The following PLEKHA5 variants were observed in gnomAD, a reference collection of about 807,000 sequenced individuals.
The protein encoded by PLEKHA5 is pleckstrin homology domain containing A5.
In PLEKHA5, 55 loss-of-function variants were observed where a neutral mutation model predicts 181.9. The observed-to-expected ratio is 0.30, with a 90% CI of 0.24 to 0.38. PLEKHA5 has a LOEUF of 0.38. Among genes scored for constraint, PLEKHA5 ranks in the 10% least tolerant of loss-of-function variants. PLEKHA5 has a pLI of 1.00. For synonymous variants in PLEKHA5, 535 were observed against 529.4 expected, an observed-to-expected ratio of 1.01 and a Z score of -0.15; for missense variants, 1,432 against 1,549.5, an observed-to-expected ratio of 0.92 and a Z score of 1.27.
chr12:19,217,812 A>G (rs1350168036), intron 3 of PLEKHA5, among the ~76,000 whole-genome samples: 1 of 152,222 alleles, frequency 6.6e-6, no homozygotes, highest in Non-Finnish European at 1.5e-5. Flanking sequence ...GGAGTTTGGC[A>G]GAAGGAGAAA....
chr12:19,340,191 A>G (rs562105477), intron 21 of PLEKHA5, among the ~76,000 whole-genome samples: 6 of 152,310 alleles, frequency 3.9e-5, no homozygotes, highest in Non-Finnish European at 7.4e-5. Context: ...TAGATTTGCA[A>G]GGAAGTTTTT....
chr12:19,322,489 A>G (rs759231374), intron 19 of PLEKHA5, 29 bp from the exon 20 acceptor site: 3 of 1,609,876 alleles, frequency 1.9e-6, no homozygotes, highest in Admixed American at 1.7e-5. Context: ...GATGCAGAAC[A>G]TTAAGTGTAA....
At chr12:19,145,179 A>T (rs34055857) in intron 3 of PLEKHA5, among the ~76,000 whole-genome samples, 13,895 of 151,576 alleles carry the variant, frequency 0.092, 780 homozygotes, top group Admixed American at 0.19. Context: ...GTGTGAGGGG[A>T]GTGTGTGTGT....
intron 3 of PLEKHA5, among the ~76,000 whole-genome samples, chr12:19,234,299 C>T (rs543581979): frequency 6.6e-6 from 1 of 152,268 alleles, no homozygotes; most frequent in East Asian, 1.9e-4. Flanking sequence ...TTATAATGAT[C>T]TGTTTACAGC....
intron 3 of PLEKHA5, among the ~76,000 whole-genome samples, chr12:19,213,491 G>T (rs888389073): frequency 1.3e-5 from 2 of 152,134 alleles, no homozygotes; most frequent in African/African-American, 4.8e-5. Context: ...GAAAAGCCTT[G>T]TATGCCATGC....
At chr12:19,205,346 CT>C (rs879429814) in intron 3 of PLEKHA5, 1 of 983,658 alleles carries the variant, frequency 1.0e-6, no homozygotes, top group South Asian at 4.7e-5. Context: ...CGGTGTGCCC[CT>C]TTGTCATCGT....
chr12:19,310,163 A>G (rs1225957357), intron 15 of PLEKHA5, among the ~76,000 whole-genome samples: 4 of 152,224 alleles, frequency 2.6e-5, no homozygotes, highest in African/African-American at 4.8e-5. Context: ...AACTCATTTC[A>G]AGTGAATCCT....
rs537666086 is a variant in PLEKHA5 at position 19,309,407 on chromosome 12, TTTCA to T, written c.2038-5404_2038-5401del. On this transcript the variant is annotated intron_variant, in intron 15 of 31. Coordinates refer to ENST00000429027, the MANE Select transcript of PLEKHA5 (RefSeq NM_001256470.2). Reference sequence around the variant, plus strand: ...TGCCCTTATTTTGAATTTTCCACTCTTTCATTAATTTATTTGTTTTAAACTCTGT... The same window carrying T: ...TGCCCTTATTTTGAATTTTCCACTCTTTAATTTATTTGTTTTAAACTCTGT... Among the ~76,000 whole-genome samples the T allele has an allele frequency of 4.7e-3, 708 of 152,202 alleles. 4 individuals are homozygous for T. The highest frequency in any genetic ancestry group is 7.7e-3 in the Non-Finnish European group (524 of 68,006).
intron 3 of PLEKHA5, among the ~76,000 whole-genome samples, chr12:19,214,833 A>G (rs1336245330): frequency 6.6e-6 from 1 of 152,062 alleles, no homozygotes; most frequent in Non-Finnish European, 1.5e-5. Context: ...TTCAATCTGC[A>G]TGGGTAGATG....
intron 15 of PLEKHA5, among the ~76,000 whole-genome samples, chr12:19,298,906 C>T (rs1301530852): frequency 4.6e-5 from 7 of 152,114 alleles, no homozygotes; most frequent in African/African-American, 7.2e-5. Context: ...AAACCCCCAG[C>T]GGAAAAGAGG....
intron 20 of PLEKHA5, among the ~76,000 whole-genome samples, chr12:19,332,169 G>A (rs1394542697): frequency 1.3e-5 from 2 of 151,924 alleles, no homozygotes; most frequent in Non-Finnish European, 2.9e-5. Context: ...AGCTACTTGG[G>A]AGACTGAGGC....
At chr12:19,323,376 G>A (rs921863134) in intron 20 of PLEKHA5, among the ~76,000 whole-genome samples, 1 of 152,032 alleles carries the variant, frequency 6.6e-6, no homozygotes, top group South Asian at 2.1e-4. Flanking sequence ...TACAAAATTA[G>A]CCAGGTGTGG....
intron 15 of PLEKHA5, among the ~76,000 whole-genome samples, 159 bp downstream of exon 15, chr12:19,291,856 A>G (rs2078540877): frequency 6.6e-6 from 1 of 152,246 alleles, no homozygotes; most frequent in Non-Finnish European, 1.5e-5. Context: ...GGATTCAGGA[A>G]TTCCATAATA....
chr12:19,370,373 G>A (rs1487374543), intron 31 of PLEKHA5, among the ~76,000 whole-genome samples: 1 of 152,186 alleles, frequency 6.6e-6, no homozygotes, highest in Non-Finnish European at 1.5e-5. Context: ...ATCCTTTCTT[G>A]AACAATGTTC....
intron 26 of PLEKHA5, among the ~76,000 whole-genome samples, chr12:19,355,190 G>C (rs1293211271): frequency 1.3e-5 from 2 of 152,064 alleles, no homozygotes; most frequent in East Asian, 3.9e-4. Context: ...AAAATGCTGA[G>C]AACACTTAAC....
At chr12:19,327,140 T>G (rs1053630788) in intron 20 of PLEKHA5, among the ~76,000 whole-genome samples, 1 of 152,208 alleles carries the variant, frequency 6.6e-6, no homozygotes, top group African/African-American at 2.4e-5. Context: ...TTTAAGTTCT[T>G]TGAGAAATCT....
At position 19,376,242 on chromosome 12, in the gene PLEKHA5, C is replaced by T. The variant is rs902369185; in HGVS notation, c.*723C>T. The stretch of plus-strand genomic sequence containing the variant: ...ACAGCAATAAGCAGGTTTCCAAATC[C>T]GGTACTTAGTTTGTGTACAAATGTA... On this transcript the variant is annotated 3_prime_UTR_variant, in exon 32 of 32. Transcript: ENST00000429027. The T allele has an allele frequency of 2.0e-5, 3 of 151,940 alleles. No homozygotes were observed. Among genetic ancestry groups the T allele is most frequent in the South Asian group, 2.1e-4 (1 of 4,798 alleles). The allele number at this position is 151,940 out of a possible 1,614,324, so 9.4% of individuals were successfully genotyped here.
intron 15 of PLEKHA5, among the ~76,000 whole-genome samples, chr12:19,310,997 A>C (rs2152985385): frequency 6.6e-6 from 1 of 152,244 alleles, no homozygotes; most frequent in East Asian, 1.9e-4. Context: ...TGGTTGCTGA[A>C]GGTTGGGATA....
chr12:19,269,906 T>C (rs758081374), intron 9 of PLEKHA5, 21 bp downstream of exon 9: 2 of 1,251,988 alleles, frequency 1.6e-6, no homozygotes, highest in Non-Finnish European at 2.3e-6. Context: ...GTAGAAAAAA[T>C]GATGGTGATT....
Sources: gnomAD v4.1 joint callset for allele counts (sites outside exome capture counted in the v4.1 genomes callset) on GRCh38, gnomAD v4.1.1 for gene constraint, MANE v1.5 for transcripts, NCBI Gene and HGNC (gene_info 2026-07-23, HGNC 2026-07-21) for gene names.